MAP3K14: variants seen among roughly 807,000 people sequenced by gnomAD.
The protein encoded by MAP3K14 is mitogen-activated protein kinase kinase kinase 14, also known as NF-kappa-beta-inducing kinase.
MAP3K14 carries 16 observed loss-of-function variants against 99.2 expected under a neutral mutation model. The observed-to-expected ratio is 0.16, with a 90% CI of 0.11 to 0.24. The LOEUF (loss-of-function observed/expected upper bound fraction) is 0.24. Ranked by LOEUF, MAP3K14 falls within the 10% of genes least tolerant of loss-of-function variation. The probability of loss-of-function intolerance (pLI) is 1.00; values close to 1 mark genes in which losing one functional copy is unlikely to be tolerated. For synonymous variants in MAP3K14, 462 were observed against 492.4 expected, an observed-to-expected ratio of 0.94 and a Z score of 0.82; for missense variants, 784 against 1,208.7, an observed-to-expected ratio of 0.65 and a Z score of 5.21.
intron 1 of MAP3K14, among the ~76,000 whole-genome samples, chr17:45,316,657 G>A (rs374411538): frequency 2.6e-5 from 4 of 152,138 alleles, no homozygotes; most frequent in African/African-American, 7.2e-5. Flanking sequence ...GGCGGCGCGG[G>A]GCACTAGTGA....
intron 1 of MAP3K14, 67 bp downstream of exon 1, chr17:45,316,893 G>A (rs1278924455): frequency 6.6e-6 from 1 of 152,046 alleles, no homozygotes; most frequent in Admixed American, 6.6e-5. Flanking sequence ...GGGGCTGAGA[G>A]GCGATCCATC....
intron 1 of MAP3K14, among the ~76,000 whole-genome samples, chr17:45,301,292 C>T (rs914801043): frequency 7.9e-5 from 12 of 151,946 alleles, no homozygotes; most frequent in Non-Finnish European, 1.3e-4. Flanking sequence ...AGAGAAACCC[C>T]GTCTCTACTA....
intron 1 of MAP3K14, among the ~76,000 whole-genome samples, chr17:45,308,071 T>C (rs915004596): frequency 6.6e-6 from 1 of 152,218 alleles, no homozygotes; most frequent in African/African-American, 2.4e-5. Flanking sequence ...TGGGGCATGA[T>C]GAGGAATATT....
At chr17:45,308,631 G>A (rs1186751091) in intron 1 of MAP3K14, among the ~76,000 whole-genome samples, 2 of 151,700 alleles carry the variant, frequency 1.3e-5, no homozygotes, top group Non-Finnish European at 2.9e-5. Flanking sequence ...AGCCTCTGAA[G>A]TAGCTGGACT....
intron 6 of MAP3K14, among the ~76,000 whole-genome samples, chr17:45,275,032 G>A (rs2044168412): frequency 6.6e-6 from 1 of 152,078 alleles, no homozygotes; most frequent in Middle Eastern, 3.4e-3. Context: ...CCAGCTACTC[G>A]GGAGGCTGAG....
At chr17:45,280,529 TC>T (rs1159183540) in intron 6 of MAP3K14, among the ~76,000 whole-genome samples, 1 of 152,096 alleles carries the variant, frequency 6.6e-6, no homozygotes, top group African/African-American at 2.4e-5. Context: ...GGTCTCGAAC[TC>T]CCGACCTCAG....
At chr17:45,273,822 G>A (rs975717996) in intron 8 of MAP3K14, 1 of 662,262 alleles carries the variant, frequency 1.5e-6, no homozygotes, top group Non-Finnish European at 2.8e-6. Flanking sequence ...CAAAGGGACA[G>A]GAGCAGGGTT....
At position 45,274,561 on chromosome 17, in the gene MAP3K14, C is replaced by G; in HGVS notation, c.1323G>C (p.Leu441=). 1 of 1,613,984 alleles carries G rather than the reference C, an allele frequency of 6.2e-7. No individual in the cohort carries two copies. Among genetic ancestry groups the G allele is most frequent in the Non-Finnish European group, 8.5e-7 (1 of 1,179,898 alleles). Residue 441 remains leucine, a synonymous_variant, in exon 7 of 16, where the codon CTG becomes CTC. Transcript: ENST00000344686. ...GTGAGGTCAATCCTGCACATGCCAT[C>G]AGCTCCTCTGCCCGAAATACTTCCA... is the stretch of plus-strand genomic sequence containing the variant. ...VRLEVFRAEE[L]MACAGLTSPR...
At chr17:45,277,900 G>A (rs934282994) in intron 6 of MAP3K14, among the ~76,000 whole-genome samples, 8 of 152,312 alleles carry the variant, frequency 5.3e-5, no homozygotes, top group African/African-American at 1.7e-4. Flanking sequence ...GAAGGTGGTG[G>A]TGTCCTATCT....
chr17:45,284,164 A>G (rs1295468660), intron 6 of MAP3K14, among the ~76,000 whole-genome samples: 1 of 152,236 alleles, frequency 6.6e-6, no homozygotes, highest in Non-Finnish European at 1.5e-5. Flanking sequence ...ACTCTAGGAC[A>G]AGAAGTCTAT....
At chr17:45,289,641 GA>G (rs1271534965) in intron 2 of MAP3K14, among the ~76,000 whole-genome samples, 5 of 152,214 alleles carry the variant, frequency 3.3e-5, no homozygotes, top group Non-Finnish European at 7.3e-5. Flanking sequence ...TGGCTCATAG[GA>G]AAAACAGCTA....
intron 10 of MAP3K14, chr17:45,270,792 C>A: frequency 1.3e-6 from 1 of 756,912 alleles, no homozygotes; most frequent in Non-Finnish European, 2.1e-6. Flanking sequence ...AGCCTCCAGG[C>A]CCGGCCCGTT....
At chr17:45,305,534 T>A (rs1001456775) in intron 1 of MAP3K14, among the ~76,000 whole-genome samples, 1 of 152,130 alleles carries the variant, frequency 6.6e-6, no homozygotes, top group Admixed American at 6.5e-5. Flanking sequence ...TGGCTGGGAT[T>A]ACAGGCATGT....
At position 45,289,181 on chromosome 17, in the gene MAP3K14, G is replaced by A. The variant is rs7210529; in HGVS notation, c.326+55C>T. ...AGCGGCCCAGGCAAGTGCTGGGGAC[G>A]AGGGCGCTGGGTCCAGTCCCCACCT... On this transcript the variant is annotated intron_variant, in intron 3 of 15. Coordinates refer to ENST00000344686, the MANE Select transcript of MAP3K14 (RefSeq NM_003954.5). 9.2e-6 allele frequency: 14 copies of A among 1,527,574 alleles called. No homozygotes were observed. The Admixed American group carries it at 1.7e-4, about 19-fold the overall frequency. 94.6% of individuals were successfully genotyped at this position (1,527,574 alleles called of 1,614,324 possible).
intron 6 of MAP3K14, among the ~76,000 whole-genome samples, chr17:45,275,456 T>G (rs2044171933): frequency 6.9e-6 from 1 of 144,382 alleles, no homozygotes; most frequent in African/African-American, 2.6e-5. Context: ...TGCGCTCCAG[T>G]CTGGCGACAG....
intron 1 of MAP3K14, among the ~76,000 whole-genome samples, chr17:45,312,804 C>G (rs1448660558): frequency 6.6e-6 from 1 of 152,126 alleles, no homozygotes; most frequent in Non-Finnish European, 1.5e-5. Flanking sequence ...GACATCTTTA[C>G]GAGGGGGAAA....
chr17:45,273,888 C>T (rs910533154), intron 8 of MAP3K14: 1 of 644,438 alleles, frequency 1.6e-6, no homozygotes, highest in African/African-American at 1.8e-5. Flanking sequence ...CAGGGGTCAC[C>T]AGTGGGTGGG....
Position 45,297,502 on chromosome 17 carries a change from T to C in MAP3K14, c.-20-6737A>G, listed in dbSNP as rs532236269. ...GATGGTTTTAACAGGTCGTTTCATT[T>C]TCTTGAAACAATCAAACAAATGCAC... On this transcript the variant is annotated intron_variant, in intron 1 of 15. Transcript: ENST00000344686. Among the ~76,000 whole-genome samples the C allele has an allele frequency of 2.6e-5, 4 of 152,306 alleles. No homozygotes were observed. In the South Asian group the frequency reaches 8.3e-4, roughly 32 times the overall value.
chr17:45,312,649 C>T (rs897001195), intron 1 of MAP3K14, among the ~76,000 whole-genome samples: 1 of 152,180 alleles, frequency 6.6e-6, no homozygotes, highest in Non-Finnish European at 1.5e-5. Flanking sequence ...TCAAGTGATC[C>T]TCCCGCCTCA....
Sources: allele counts gnomAD v4.1 joint callset (sites outside exome capture counted in the v4.1 genomes callset), GRCh38; gene constraint gnomAD v4.1.1; transcripts MANE v1.5; gene names NCBI Gene and HGNC (gene_info 2026-07-23, HGNC 2026-07-21).